Variants in DPYSL2 observed in about 807,000 individuals in gnomAD.
DPYSL2 encodes the protein dihydropyrimidinase-related protein 2.
DPYSL2 carries 13 observed loss-of-function variants against 69.9 expected under a neutral mutation model. The ratio of observed to expected loss-of-function variants is 0.19; its 90% confidence interval spans 0.12 to 0.30. The LOEUF (loss-of-function observed/expected upper bound fraction) is 0.30, where lower values mean the gene tolerates loss of function less well. Ranked by LOEUF, DPYSL2 falls within the 10% of genes least tolerant of loss-of-function variation. DPYSL2 has a pLI of 1.00. For missense variants in DPYSL2, 587 were observed against 918.9 expected (o/e 0.64, Z 4.67); for synonymous variants, 326 against 359.1 (o/e 0.91, Z 1.04).
At position 26,650,735 on chromosome 8, in the gene DPYSL2, CAG is replaced by C. The variant is rs1803265166; in HGVS notation, c.1597-1521_1597-1520del. On this transcript the variant is annotated intron_variant, in intron 11 of 13. Coordinates refer to ENST00000521913, the MANE Select transcript of DPYSL2 (RefSeq NM_001197293.3). This position sits in a 1 kb window ranked among gnomAD's most constrained non-coding sequence, Gnocchi z 5.3. ...CTGGGGAGACCATCTGCTGTGCAGA[CAG>C]GGGTGGCAGAAAATCTCGCAGGCCT... Among the ~76,000 whole-genome samples, 1 of 152,178 alleles carries C rather than the reference CAG, an allele frequency of 6.6e-6. No individual in the cohort carries two copies.
At chr8:26,569,508 A>C (rs1563390373) in intron 1 of DPYSL2, among the ~76,000 whole-genome samples, 1 of 152,176 alleles carries the variant, frequency 6.6e-6, no homozygotes, top group Non-Finnish European at 1.5e-5. Flanking sequence ...TATCTTTAGA[A>C]AGGTTCTCCT....
intron 1 of DPYSL2, among the ~76,000 whole-genome samples, chr8:26,568,749 T>C (rs570631967): frequency 1.1e-5 from 1 of 94,870 alleles, no homozygotes; most frequent in South Asian, 3.7e-4. Flanking sequence ...AGTTCATAGT[T>C]ACCCCTTTTC....
In DPYSL2 at chr8:26,516,478, A is replaced by G. The variant is rs761013919; in HGVS notation, c.354+1799A>G. ...GAAATCATGTAAAAAGTGGCAGATC[A>G]GAGGATAGGGGTTGAAAGTGGCCCA... is the stretch of plus-strand genomic sequence containing the variant. On this transcript the variant is annotated intron_variant, in intron 1 of 13. Coordinates refer to ENST00000521913, the MANE Select transcript of DPYSL2 (RefSeq NM_001197293.3). The surrounding 1 kb of genome is among the most constrained non-coding windows in gnomAD (Gnocchi z 4.8). 7.9e-5 allele frequency among the ~76,000 whole-genome samples: 12 copies of G among 152,240 alleles called. No homozygotes were observed. The highest frequency in any genetic ancestry group is 1.5e-4 in the Non-Finnish European group (10 of 68,038).
intron 3 of DPYSL2, among the ~76,000 whole-genome samples, chr8:26,600,980 A>C (rs1294467297): frequency 6.6e-6 from 1 of 152,182 alleles, no homozygotes; most frequent in Non-Finnish European, 1.5e-5. Context: ...CTCTTCCTCC[A>C]GTGTCACCCT....
chr8:26,578,101 A>T, intron 1 of DPYSL2: 1 of 1,511,690 alleles, frequency 6.6e-7, no homozygotes, highest in Non-Finnish European at 8.8e-7. Flanking sequence ...TACGTTCTTG[A>T]AATTTCCTAA....
In DPYSL2 at chr8:26,657,605, A is replaced by G. The variant is rs558611139; in HGVS notation, c.*1899A>G. The stretch of plus-strand genomic sequence containing the variant: ...TAAAAAAATAATTGGTTGACTTAAT[A>G]TATTTGCTTTTTTTCTCACCTGCAC... On this transcript the variant is annotated 3_prime_UTR_variant, in exon 14 of 14. Transcript: ENST00000521913. The G allele has an allele frequency of 1.3e-5, 2 of 152,734 alleles. No individual in the cohort carries two copies. The highest frequency in any genetic ancestry group is 6.5e-5 in the Admixed American group (1 of 15,286). 9.5% of individuals were successfully genotyped at this position (152,734 alleles called of 1,614,324 possible). A position where few individuals can be genotyped will look rare whatever the true frequency, so the allele number is the denominator to read the frequency against.
In DPYSL2 at chr8:26,627,425, A is replaced by G. The variant is rs1802643877; in HGVS notation, c.936+130A>G. The G allele has an allele frequency of 1.1e-6, 1 of 917,576 alleles. No homozygotes were observed. The highest frequency in any genetic ancestry group is 1.7e-6 in the Non-Finnish European group (1 of 582,990). 56.8% of individuals were successfully genotyped at this position (917,576 alleles called of 1,614,324 possible). A position where few individuals can be genotyped will look rare whatever the true frequency, so the allele number is the denominator to read the frequency against. ...GAGGGACCTGGTGTTCCCTTGCTGG[A>G]GCTCTGCTCAGTCTCACCCATGGCA... On this transcript the variant is annotated intron_variant, in intron 6 of 13. Transcript: ENST00000521913. This position sits in a 1 kb window ranked among gnomAD's most constrained non-coding sequence, Gnocchi z 6.9.
chr8:26,602,939 A>G (rs374989219), intron 3 of DPYSL2, among the ~76,000 whole-genome samples: 5 of 152,220 alleles, frequency 3.3e-5, no homozygotes, highest in Non-Finnish European at 1.5e-5. Flanking sequence ...AAGCCGGCTC[A>G]AATTTTACCC....
At chr8:26,549,451 A>G (rs1373767701) in intron 1 of DPYSL2, among the ~76,000 whole-genome samples, 5 of 152,142 alleles carry the variant, frequency 3.3e-5, no homozygotes, top group African/African-American at 4.8e-5. Context: ...TAATATATGT[A>G]TAAAGGTGAT....
intron 1 of DPYSL2, among the ~76,000 whole-genome samples, chr8:26,563,778 G>C (rs374641781): frequency 6.6e-6 from 1 of 152,198 alleles, no homozygotes; most frequent in Non-Finnish European, 1.5e-5. Flanking sequence ...TGAGGGCAGA[G>C]GTGTTGTAGG....
chr8:26,525,323 C>T (rs28575479), intron 1 of DPYSL2, among the ~76,000 whole-genome samples: 26,350 of 152,090 alleles, frequency 0.17, 2,389 homozygotes, highest in East Asian at 0.22. Flanking sequence ...TAGGCTCAAG[C>T]GATCCTCCCA....
At chr8:26,556,327 A>AGT (rs1554535411) in intron 1 of DPYSL2, among the ~76,000 whole-genome samples, 2 of 26,202 alleles carry the variant, frequency 7.6e-5, no homozygotes, top group African/African-American at 1.6e-4. Flanking sequence ...CTATATATAT[A>AGT]GTATATATAT....
chr8:26,594,826 T>C lies in DPYSL2; in HGVS notation c.628+10843T>C, dbSNP rs112874955. On this transcript the variant is annotated intron_variant, in intron 3 of 13. Coordinates refer to ENST00000521913, the MANE Select transcript of DPYSL2 (RefSeq NM_001197293.3). ...AAGAAGTCTCAAGGATTGTTTCAAC[T>C]TCAAGCCTATGTACATGAGTTTGCG... Among the ~76,000 whole-genome samples, 14 of 152,330 alleles carry C rather than the reference T, an allele frequency of 9.2e-5. 1 individual carries two copies. The highest frequency in any genetic ancestry group is 3.4e-4 in the African/African-American group (14 of 41,590).
At position 26,582,139 on chromosome 8, in the gene DPYSL2, A is replaced by T; in HGVS notation, c.443+82A>T. 8.7e-7 allele frequency: 1 copy of T among 1,145,218 alleles called. No individual in the cohort carries two copies. The highest frequency in any genetic ancestry group is 1.3e-6 in the Non-Finnish European group (1 of 775,588). 70.9% of individuals were successfully genotyped at this position (1,145,218 alleles called of 1,614,324 possible). On this transcript the variant is annotated intron_variant, in intron 2 of 13. Coordinates refer to ENST00000521913, the MANE Select transcript of DPYSL2 (RefSeq NM_001197293.3). The surrounding 1 kb of genome is among the most constrained non-coding windows in gnomAD (Gnocchi z 4.1). ...ATTAGATACCATTCGCATCCAAAGT[A>T]TCAAACTTCAGGAACATCAGAGAGT... is the stretch of plus-strand genomic sequence containing the variant.
At chr8:26,557,084 C>A (rs1801000707) in intron 1 of DPYSL2, among the ~76,000 whole-genome samples, 1 of 152,050 alleles carries the variant, frequency 6.6e-6, no homozygotes, top group African/African-American at 2.4e-5. Context: ...CAGAATACAT[C>A]ATAGACCTAA....
Position 26,617,736 on chromosome 8 carries a change from C to T in DPYSL2, c.629-6407C>T, listed in dbSNP as rs1033904557. On this transcript the variant is annotated intron_variant, in intron 3 of 13. Transcript: ENST00000521913. This position sits in a 1 kb window ranked among gnomAD's most constrained non-coding sequence, Gnocchi z 4.7. ...CGACATGATGCCAAGTGAAAGCAGA[C>T]AGACGCACAAGACTACATCTTTTAT... Among the ~76,000 whole-genome samples, 8 of 152,142 alleles carry T rather than the reference C, an allele frequency of 5.3e-5. No individual in the cohort carries two copies. The highest frequency in any genetic ancestry group is 1.7e-4 in the African/African-American group (7 of 41,432).
intron 3 of DPYSL2, among the ~76,000 whole-genome samples, chr8:26,612,011 C>T (rs891670261): frequency 6.6e-6 from 1 of 152,164 alleles, no homozygotes; most frequent in Non-Finnish European, 1.5e-5. Context: ...AAGATGGTGG[C>T]CAGAGCCATT....
intron 1 of DPYSL2, among the ~76,000 whole-genome samples, chr8:26,559,771 A>G (rs948322412): frequency 2.0e-5 from 3 of 152,288 alleles, no homozygotes; most frequent in Admixed American, 6.5e-5. Flanking sequence ...CATCAGCTCT[A>G]TTGATCTTTT....
At chr8:26,579,953 C>CA (rs1563395001) in intron 1 of DPYSL2, among the ~76,000 whole-genome samples, 42 of 24,232 alleles carry the variant, frequency 1.7e-3, no homozygotes, top group Non-Finnish European at 3.3e-3. Flanking sequence ...TTTTAAAGAG[C>CA]GCCCCCCCCC....
Sources: allele counts gnomAD v4.1 joint callset (sites outside exome capture counted in the v4.1 genomes callset), GRCh38; gene constraint gnomAD v4.1.1; non-coding constraint Gnocchi (gnomAD v3.1); transcripts MANE v1.5; gene names NCBI Gene and HGNC (gene_info 2026-07-23, HGNC 2026-07-21).